The following IMPA2 variants were observed in gnomAD, a reference collection of about 807,000 sequenced individuals.
The protein encoded by IMPA2 is inositol monophosphatase 2, also known as IMP 2.
In IMPA2, 32 loss-of-function variants were observed where a neutral mutation model predicts 35.1. The observed-to-expected ratio is 0.91, with a 90% CI of 0.69 to 1.23. The LOEUF (loss-of-function observed/expected upper bound fraction) is 1.23, where lower values mean the gene tolerates loss of function less well. IMPA2 is among the 50% of genes most tolerant of loss of function. The pLI, the probability that IMPA2 is intolerant of heterozygous loss-of-function variation, is 0.00. For synonymous variants in IMPA2, 135 were observed against 160.6 expected, an observed-to-expected ratio of 0.84 and a Z score of 1.20; for missense variants, 334 against 387.6, an observed-to-expected ratio of 0.86 and a Z score of 1.16.
Position 11,991,442 on chromosome 18 carries a change from G to A in IMPA2, c.97-7612G>A, listed in dbSNP as rs1376347554. 6.6e-6 allele frequency among the ~76,000 whole-genome samples: 1 copy of A among 152,172 alleles called. No homozygotes were observed. Among genetic ancestry groups the A allele is most frequent in the African/African-American group, 2.4e-5 (1 of 41,436 alleles). On this transcript the variant is annotated intron_variant, in intron 1 of 7. Coordinates refer to ENST00000269159, the MANE Select transcript of IMPA2 (RefSeq NM_014214.3). This position sits in a 1 kb window ranked among gnomAD's most constrained non-coding sequence, Gnocchi z 4.1. ...TACAGAGATTTGTGACGCATCAACA[G>A]CTGTGAACTGCTGACCACATGTGCC...
At chr18:12,008,839 GCA>G (rs893426102) in intron 2 of IMPA2, among the ~76,000 whole-genome samples, 31 of 152,196 alleles carry the variant, frequency 2.0e-4, no homozygotes, top group African/African-American at 7.5e-4. Flanking sequence ...CAGGACAGAC[GCA>G]CACTCAAGTG....
chr18:12,001,752 C>G (rs1448489258), intron 2 of IMPA2, among the ~76,000 whole-genome samples: 1 of 152,174 alleles, frequency 6.6e-6, no homozygotes, highest in East Asian at 1.9e-4. Flanking sequence ...TAGGGTGAGA[C>G]AGGCTTACCT....
chr18:12,003,050 C>G (rs1438760502), intron 2 of IMPA2, among the ~76,000 whole-genome samples: 1 of 151,558 alleles, frequency 6.6e-6, no homozygotes, highest in South Asian at 2.1e-4. Flanking sequence ...AAAAAATTAG[C>G]TGGGCATGGT....
chr18:12,003,523 T>G (rs776419566), intron 2 of IMPA2, among the ~76,000 whole-genome samples: 1 of 151,940 alleles, frequency 6.6e-6, no homozygotes, highest in Non-Finnish European at 1.5e-5. Flanking sequence ...TGGTGGCGCA[T>G]GCCTGTAGTC....
At chr18:12,017,566 C>T in intron 5 of IMPA2, 1 of 421,706 alleles carries the variant, frequency 2.4e-6, no homozygotes, top group Non-Finnish European at 4.7e-6. Flanking sequence ...CTGGACTGTG[C>T]TAGGAAGTAC....
In IMPA2 at chr18:11,991,827, C is replaced by G. The variant is rs961759915; in HGVS notation, c.97-7227C>G. ...TTCCTGATTAAGATGCTGATGCCCT[C>G]GCAGAAACACCCAGAACAATTTTTT... On this transcript the variant is annotated intron_variant, in intron 1 of 7. Coordinates refer to ENST00000269159, the MANE Select transcript of IMPA2 (RefSeq NM_014214.3). The surrounding 1 kb of genome is among the most constrained non-coding windows in gnomAD (Gnocchi z 4.1). Among the ~76,000 whole-genome samples, 1 of 151,028 alleles carries G rather than the reference C, an allele frequency of 6.6e-6. No homozygotes were observed. The highest frequency in any genetic ancestry group is 2.5e-5 in the African/African-American group (1 of 40,724).
At chr18:12,024,972 G>C (rs1013595971) in intron 5 of IMPA2, among the ~76,000 whole-genome samples, 18 of 152,050 alleles carry the variant, frequency 1.2e-4, no homozygotes, top group Non-Finnish European at 1.9e-4. Context: ...GTGTTGTAAG[G>C]CATCCACCAT....
At chr18:12,012,092 G>A in intron 3 of IMPA2, 78 bp from the exon 4 acceptor site, 1 of 1,366,710 alleles carries the variant, frequency 7.3e-7, no homozygotes, top group Non-Finnish European at 1.0e-6. Flanking sequence ...TGAGCCTGCG[G>A]GGAGCCGCAC....
chr18:11,994,962 G>A (rs1359407856), intron 1 of IMPA2: 1 of 152,504 alleles, frequency 6.6e-6, no homozygotes, highest in African/African-American at 2.4e-5. Context: ...GAGGAGGACA[G>A]TGGGCTGGCT....
At chr18:11,984,673 A>G (rs78347657) in intron 1 of IMPA2, among the ~76,000 whole-genome samples, 15,219 of 152,072 alleles carry the variant, frequency 0.1, 961 homozygotes, top group East Asian at 0.28. Context: ...TCTACTAAAA[A>G]TACAAAAACT....
At chr18:12,020,197 T>G (rs1907690694) in intron 5 of IMPA2, among the ~76,000 whole-genome samples, 1 of 151,874 alleles carries the variant, frequency 6.6e-6, no homozygotes, top group African/African-American at 2.4e-5. Context: ...GATTGATTGA[T>G]TGATTGATTG....
intron 2 of IMPA2, among the ~76,000 whole-genome samples, chr18:12,000,449 T>G (rs1267254165): frequency 6.6e-6 from 1 of 150,720 alleles, no homozygotes; most frequent in African/African-American, 2.4e-5. Flanking sequence ...TTAGGTTATC[T>G]CAAGGTTACC....
At chr18:11,982,250 G>T (rs1299720001) in intron 1 of IMPA2, among the ~76,000 whole-genome samples, 1 of 152,218 alleles carries the variant, frequency 6.6e-6, no homozygotes, top group Non-Finnish European at 1.5e-5. Context: ...GACGGCCACG[G>T]ACTCAGAGTT....
Position 11,995,872 on chromosome 18 carries a change from C to T in IMPA2, c.97-3182C>T, listed in dbSNP as rs1156599182. 3.9e-5 allele frequency among the ~76,000 whole-genome samples: 6 copies of T among 152,186 alleles called. No homozygotes were observed. The South Asian group carries it at 1.2e-3, about 31-fold the overall frequency. The stretch of plus-strand genomic sequence containing the variant: ...CAGCCCAATGTGTGTTTTATTCATT[C>T]TTTCAAAGAACTCTGTGTACCTGCT... On this transcript the variant is annotated intron_variant, in intron 1 of 7. Coordinates refer to ENST00000269159, the MANE Select transcript of IMPA2 (RefSeq NM_014214.3).
intron 1 of IMPA2, among the ~76,000 whole-genome samples, chr18:11,996,149 A>G (rs1906953066): frequency 6.6e-6 from 1 of 152,218 alleles, no homozygotes; most frequent in South Asian, 2.1e-4. Context: ...AGGATCAGAA[A>G]ACAGGAAGTC....
chr18:12,000,182 A>G (rs1907076107), intron 2 of IMPA2, among the ~76,000 whole-genome samples: 1 of 151,872 alleles, frequency 6.6e-6, no homozygotes, highest in South Asian at 2.1e-4. Context: ...ATTTTTATAT[A>G]TTTTTTAAGA....
At chr18:11,986,873 C>T (rs1906681042) in intron 1 of IMPA2, among the ~76,000 whole-genome samples, 1 of 152,224 alleles carries the variant, frequency 6.6e-6, no homozygotes, top group Non-Finnish European at 1.5e-5. Context: ...TGTGGGTGTC[C>T]ATGTCCATGT....
At chr18:12,019,616 T>G (rs914363313) in intron 5 of IMPA2, among the ~76,000 whole-genome samples, 2 of 152,050 alleles carry the variant, frequency 1.3e-5, no homozygotes, top group African/African-American at 4.8e-5. Flanking sequence ...CTAGTGGATT[T>G]GTTGGTACTC....
intron 5 of IMPA2, among the ~76,000 whole-genome samples, chr18:12,022,159 C>T (rs1907747203): frequency 6.6e-6 from 1 of 152,096 alleles, no homozygotes; most frequent in African/African-American, 2.4e-5. Flanking sequence ...TTTGTTCCTA[C>T]AAATAAGAAC....
Sources: allele counts gnomAD v4.1 joint callset (sites outside exome capture counted in the v4.1 genomes callset), GRCh38; gene constraint gnomAD v4.1.1; non-coding constraint Gnocchi (gnomAD v3.1); transcripts MANE v1.5; gene names NCBI Gene and HGNC (gene_info 2026-07-23, HGNC 2026-07-21).